The following C19orf12 variants were observed in gnomAD, a reference collection of about 807,000 sequenced individuals.
The protein encoded by C19orf12 is chromosome 19 open reading frame 12.
In C19orf12, 2 loss-of-function variants were observed where a neutral mutation model predicts 3.8. The observed-to-expected ratio is 0.53, with a 90% CI of 0.22 to 1.66. The LOEUF (loss-of-function observed/expected upper bound fraction) is 1.66. Among genes scored for constraint, C19orf12 ranks in the 40% most tolerant of loss-of-function variants. The pLI, the probability that C19orf12 is intolerant of heterozygous loss-of-function variation, is 0.20. For synonymous variants in C19orf12, 89 were observed against 84.6 expected (o/e 1.05, Z -0.28); for missense variants, 156 against 188.8 (o/e 0.83, Z 1.02).
chr19:29,705,004 C>T (rs139845326), intron 2 of C19orf12, among the ~76,000 whole-genome samples: 1 of 152,142 alleles, frequency 6.6e-6, no homozygotes, highest in East Asian at 1.9e-4. Flanking sequence ...AAGATGAAGC[C>T]CACTAGACTT....
At position 29,699,021 on chromosome 19, in the gene C19orf12, C is replaced by G; in HGVS notation, c.*3691G>C. The G allele has an allele frequency of 2.2e-6, 1 of 453,916 alleles. No homozygotes were observed. The highest frequency in any genetic ancestry group is 4.4e-6 in the Non-Finnish European group (1 of 226,762). 28.1% of individuals were successfully genotyped at this position (453,916 alleles called of 1,614,324 possible). A position where few individuals can be genotyped will look rare whatever the true frequency, so the allele number is the denominator to read the frequency against. On this transcript the variant is annotated 3_prime_UTR_variant, in exon 3 of 3. Transcript: ENST00000323670. Reference sequence around the variant, plus strand: ...GTAGTAAAAATCCACAAATGGAATTCACACCAGGCACATGGTTAGGCACAG... The same window carrying G: ...GTAGTAAAAATCCACAAATGGAATTGACACCAGGCACATGGTTAGGCACAG...
At position 29,700,500 on chromosome 19, in the gene C19orf12, G is replaced by C; in HGVS notation, c.*2212C>G. Reference sequence around the variant, plus strand: ...TCTGATTTTCCATTTTTAGTTCCAGGGTCCGTATGCAGGACTTATTTGCAG... The same window carrying C: ...TCTGATTTTCCATTTTTAGTTCCAGCGTCCGTATGCAGGACTTATTTGCAG... On this transcript the variant is annotated 3_prime_UTR_variant, in exon 3 of 3. Transcript: ENST00000323670. The C allele has an allele frequency of 2.2e-6, 1 of 454,022 alleles. No homozygotes were observed. The highest frequency in any genetic ancestry group is 1.6e-5 in the South Asian group (1 of 64,466). 28.1% of individuals were successfully genotyped at this position (454,022 alleles called of 1,614,324 possible).
chr19:29,714,134 C>T (rs985114576), intron 1 of C19orf12, among the ~76,000 whole-genome samples: 3 of 151,990 alleles, frequency 2.0e-5, no homozygotes, highest in Admixed American at 6.6e-5. Flanking sequence ...GCAATTCTTC[C>T]GCCTCGGCCT....
rs1310186474 is a variant in C19orf12 at position 29,699,654 on chromosome 19, A to G, written c.*3058T>C. On this transcript the variant is annotated 3_prime_UTR_variant, in exon 3 of 3. Transcript: ENST00000323670. ...TCTAGGTTTTCAGCAACAAATACTG[A>G]CAAAAGGAAATGAACAGTTTTCAGA... 8.8e-6 allele frequency: 4 copies of G among 454,018 alleles called. No homozygotes were observed. Among genetic ancestry groups the G allele is most frequent in the South Asian group, 4.7e-5 (3 of 64,458 alleles). 28.1% of individuals were successfully genotyped at this position (454,018 alleles called of 1,614,324 possible).
intron 2 of C19orf12, among the ~76,000 whole-genome samples, chr19:29,706,085 G>A (rs1362244118): frequency 6.6e-6 from 1 of 152,186 alleles, no homozygotes; most frequent in East Asian, 1.9e-4. Flanking sequence ...ACACCACCCC[G>A]GGTACTGAGC....
At chr19:29,714,950 A>G (rs1972882507) in intron 1 of C19orf12, 175 bp downstream of exon 1, 1 of 715,000 alleles carries the variant, frequency 1.4e-6, no homozygotes, top group African/African-American at 1.8e-5. Context: ...CTCCATAGGG[A>G]CAATGACTAC....
rs1470866753 is a variant in C19orf12 at position 29,701,064 on chromosome 19, G to A, written c.*1648C>T. ...GAGCCACCTCACCTGACCTACTCTT[G>A]CATTCTTTAAAGCCACAAATCTGGT... On this transcript the variant is annotated 3_prime_UTR_variant, in exon 3 of 3. Transcript: ENST00000323670. The A allele has an allele frequency of 2.4e-5, 11 of 453,982 alleles. No homozygotes were observed. The highest frequency in any genetic ancestry group is 4.8e-5 in the Non-Finnish European group (11 of 226,808). 28.1% of individuals were successfully genotyped at this position (453,982 alleles called of 1,614,324 possible).
Position 29,699,913 on chromosome 19 carries a change from G to A in C19orf12, c.*2799C>T, listed in dbSNP as rs542007417. On this transcript the variant is annotated 3_prime_UTR_variant, in exon 3 of 3. Transcript: ENST00000323670. ...AGAAGCAGCGCTTGATTTCCTGGGG[G>A]AAATCAAGAAAAGTGCTTTCGGCTC... is the stretch of plus-strand genomic sequence containing the variant. 9.5e-6 allele frequency: 4 copies of A among 420,350 alleles called. No individual in the cohort carries two copies. The highest frequency in any genetic ancestry group is 7.6e-5 in the Admixed American group (3 of 39,692). 26.0% of individuals were successfully genotyped at this position (420,350 alleles called of 1,614,324 possible).
Position 29,701,258 on chromosome 19 carries a change from G to A in C19orf12, c.*1454C>T. The A allele has an allele frequency of 2.2e-6, 1 of 454,074 alleles. No homozygotes were observed. Among genetic ancestry groups the A allele is most frequent in the South Asian group, 1.6e-5 (1 of 64,470 alleles). 28.1% of individuals were successfully genotyped at this position (454,074 alleles called of 1,614,324 possible). ...AGTACAGCTATGCCTCAGTATCCATGGGGGATGGGTTCCAGGACTGCAACC... is the reference window on the plus strand; with the variant it reads ...AGTACAGCTATGCCTCAGTATCCATAGGGGATGGGTTCCAGGACTGCAACC... On this transcript the variant is annotated 3_prime_UTR_variant, in exon 3 of 3. Transcript: ENST00000323670.
Position 29,701,996 on chromosome 19 carries a change from T to C in C19orf12, c.*716A>G, listed in dbSNP as rs1972111271. 1 of 453,466 alleles carries C rather than the reference T, an allele frequency of 2.2e-6. No individual in the cohort carries two copies. The highest frequency in any genetic ancestry group is 4.4e-6 in the Non-Finnish European group (1 of 226,276). The allele number at this position is 453,466 out of a possible 1,614,324, so 28.1% of individuals were successfully genotyped here. A position where few individuals can be genotyped will look rare whatever the true frequency, so the allele number is the denominator to read the frequency against. On this transcript the variant is annotated 3_prime_UTR_variant, in exon 3 of 3. Transcript: ENST00000323670. Reference sequence around the variant, plus strand: ...ACCCACAATATCTCCGAGATATACCTGTACTTTTTACTAAAAATATTTCAT... The same window carrying C: ...ACCCACAATATCTCCGAGATATACCCGTACTTTTTACTAAAAATATTTCAT...
In C19orf12 at chr19:29,702,825, C is replaced by A. The variant is rs146492790; in HGVS notation, c.313G>T (p.Val105Leu). 6 of 1,614,056 alleles carry A rather than the reference C, an allele frequency of 3.7e-6. No homozygotes were observed. In the South Asian group the frequency reaches 6.6e-5, roughly 18 times the overall value. Residue 105 changes from valine (V) to leucine (L), a missense_variant, in exon 3 of 3, where the codon GTG becomes TTG. Val to Leu is a conservative substitution (Grantham distance 32). Coordinates refer to ENST00000323670, the MANE Select transcript of C19orf12 (RefSeq NM_031448.6). ...IIRHLEWTDA[V>L]QLTALVMGSE... is the part of the protein sequence containing the mutation. ...CCCATGACCAGCGCGGTCAGCTGCA[C>A]GGCGTCCGTCCACTCCAGGTGCCTG...
chr19:29,713,576 T>C (rs559245315), intron 1 of C19orf12, among the ~76,000 whole-genome samples: 1 of 152,300 alleles, frequency 6.6e-6, no homozygotes, highest in South Asian at 2.1e-4. Flanking sequence ...CTTGTCAACA[T>C]TGACCTCCCA....
At chr19:29,705,174 G>A in intron 2 of C19orf12, 1 of 227,198 alleles carries the variant, frequency 4.4e-6, no homozygotes, top group Non-Finnish European at 9.3e-6. Context: ...AAGGGAGAGG[G>A]GCATGTCACC....
intron 1 of C19orf12, among the ~76,000 whole-genome samples, chr19:29,714,485 CTG>C (rs917507285): frequency 1.3e-5 from 2 of 152,116 alleles, no homozygotes; most frequent in African/African-American, 2.4e-5. Flanking sequence ...CAGAGCAAGA[CTG>C]TCTAAACAAA....
Position 29,715,181 on chromosome 19 carries a change from G to A in C19orf12, c.-67C>T. On this transcript the variant is annotated 5_prime_UTR_variant, in exon 1 of 3. Transcript: ENST00000323670. Reference sequence around the variant, plus strand: ...GGCGATCAGACGCGGCTGCAGCCCGGGCCTGGCAGGCCCCGGGCTCCCCGC... The same window carrying A: ...GGCGATCAGACGCGGCTGCAGCCCGAGCCTGGCAGGCCCCGGGCTCCCCGC... 3.9e-6 allele frequency: 2 copies of A among 515,700 alleles called. No homozygotes were observed. The highest frequency in any genetic ancestry group is 7.0e-6 in the Non-Finnish European group (2 of 285,808). The allele number at this position is 515,700 out of a possible 1,614,324, so 31.9% of individuals were successfully genotyped here.
rs147594970 is a variant in C19orf12 at position 29,709,508 on chromosome 19, A to T, written c.-10-1085T>A. ...AGCAATTCAACTGAGGAAGTTATGGATAGATTCTATTGCTTATTATCTTTT... is the reference window on the plus strand; with the variant it reads ...AGCAATTCAACTGAGGAAGTTATGGTTAGATTCTATTGCTTATTATCTTTT... On this transcript the variant is annotated intron_variant, in intron 1 of 2. Coordinates refer to ENST00000323670, the MANE Select transcript of C19orf12 (RefSeq NM_031448.6). Among the ~76,000 whole-genome samples, 366 of 151,044 alleles carry T rather than the reference A, an allele frequency of 2.4e-3. 2 individuals carry two copies. The highest frequency in any genetic ancestry group is 7.3e-3 in the East Asian group (37 of 5,050).
At position 29,702,601 on chromosome 19, in the gene C19orf12, G is replaced by T; in HGVS notation, c.*111C>A. ...GGGACATTACTAGTAATACACTGAT[G>T]ATGTGGAGATTCCCCAGGGGGCATC... On this transcript the variant is annotated 3_prime_UTR_variant, in exon 3 of 3. Coordinates refer to ENST00000323670, the MANE Select transcript of C19orf12 (RefSeq NM_031448.6). The T allele has an allele frequency of 7.3e-7, 1 of 1,377,736 alleles. No homozygotes were observed. Among genetic ancestry groups the T allele is most frequent in the Non-Finnish European group, 1.0e-6 (1 of 968,260 alleles). The allele number at this position is 1,377,736 out of a possible 1,614,324, so 85.3% of individuals were successfully genotyped here.
intron 1 of C19orf12, among the ~76,000 whole-genome samples, chr19:29,714,274 C>T (rs1438830613): frequency 6.6e-6 from 1 of 151,984 alleles, no homozygotes; most frequent in Non-Finnish European, 1.5e-5. Flanking sequence ...GCAGGTGGAT[C>T]GCAAGGTCAG....
chr19:29,702,724 C>A lies in C19orf12; in HGVS notation c.414G>T (p.Gln138His). ...CCGGAGGTGCGGCCTAGTCATCATACTGGATCTCGGCCCGCAGCTCCTTGG... is the reference window on the plus strand; with the variant it reads ...CCGGAGGTGCGGCCTAGTCATCATAATGGATCTCGGCCCGCAGCTCCTTGG... Reference protein sequence around the residue: ...YVTKELRAEIQYDD With the variant: ...YVTKELRAEIHYDD The change falls in exon 3 of 3, where the codon CAG becomes CAT. Residue 138 changes from glutamine (Q) to histidine (H), a missense_variant. Transcript: ENST00000323670. 1 of 1,613,836 alleles carries A rather than the reference C, an allele frequency of 6.2e-7. No individual in the cohort carries two copies. Among genetic ancestry groups the A allele is most frequent in the Non-Finnish European group, 8.5e-7 (1 of 1,180,020 alleles).
Sources: gnomAD v4.1 joint callset for allele counts (sites outside exome capture counted in the v4.1 genomes callset) on GRCh38, gnomAD v4.1.1 for gene constraint, MANE v1.5 for transcripts, NCBI Gene and HGNC (gene_info 2026-07-23, HGNC 2026-07-21) for gene names.